Variants in KIAA1614 observed in about 807,000 individuals in gnomAD.
KIAA1614 encodes the protein uncharacterized protein KIAA1614.
In KIAA1614, 76 loss-of-function variants were observed where a neutral mutation model predicts 88.7. The ratio of observed to expected loss-of-function variants is 0.86; its 90% CI spans 0.71 to 1.04. The LOEUF is 1.04. KIAA1614 is among the 50% of genes least tolerant of loss of function. KIAA1614 has a pLI of 0.00. For missense variants in KIAA1614, 1,553 were observed against 1,582.5 expected, an observed-to-expected ratio of 0.98 and a Z score of 0.32; for synonymous variants, 714 against 675.5, an observed-to-expected ratio of 1.06 and a Z score of -0.88.
At chr1:180,915,259 G>C (rs1653752448) in intron 1 of KIAA1614, among the ~76,000 whole-genome samples, 1 of 152,222 alleles carries the variant, frequency 6.6e-6, no homozygotes, top group African/African-American at 2.4e-5. Context: ...TGTGGCTTGT[G>C]CATCAGGGGT....
At chr1:180,943,192 A>G (rs1253490353) in intron 7 of KIAA1614, among the ~76,000 whole-genome samples, 1 of 152,012 alleles carries the variant, frequency 6.6e-6, no homozygotes, top group Non-Finnish European at 1.5e-5. Flanking sequence ...ACAGCCGGCT[A>G]ATTTTTATAT....
In KIAA1614 at chr1:180,947,579, A is replaced by G. The variant is rs1160373287; in HGVS notation, c.*1991A>G. ...GCCTACTCTGGACCTCAGGAGGATA[A>G]AAAGTCCTTCCTCACAGGCCTTCCC... On this transcript the variant is annotated 3_prime_UTR_variant, in exon 9 of 9. Coordinates refer to ENST00000367588, the MANE Select transcript of KIAA1614 (RefSeq NM_020950.2). 1.3e-5 allele frequency: 2 copies of G among 152,230 alleles called. No individual in the cohort carries two copies. Among genetic ancestry groups the G allele is most frequent in the African/African-American group, 4.8e-5 (2 of 41,446 alleles). 9.4% of individuals were successfully genotyped at this position (152,230 alleles called of 1,614,324 possible).
intron 2 of KIAA1614, among the ~76,000 whole-genome samples, chr1:180,917,373 A>G (rs1362560882): frequency 6.6e-6 from 1 of 152,090 alleles, no homozygotes; most frequent in East Asian, 1.9e-4. Flanking sequence ...GGCCACTATG[A>G]TGTCTTCTTT....
Position 180,940,886 on chromosome 1 carries a change from CCTTT to C in KIAA1614, c.2919-152_2919-149del, listed in dbSNP as rs541205561. ...GCCACCACACCCGGCTTCCACTTGG[CCTTT>C]CTTTCTACAGCCTGGTTGTTAGTTC... On this transcript the variant is annotated intron_variant, in intron 6 of 8. Transcript: ENST00000367588. 6.2e-4 allele frequency among the ~76,000 whole-genome samples: 95 copies of C among 152,092 alleles called. 1 individual carries two copies. Among genetic ancestry groups the C allele is most frequent in the South Asian group, 2.5e-3 (12 of 4,818 alleles).
At position 180,945,624 on chromosome 1, in the gene KIAA1614, T is replaced by C. The variant is rs1315649393; in HGVS notation, c.*36T>C. 6.4e-7 allele frequency: 1 copy of C among 1,561,932 alleles called. No individual in the cohort carries two copies. The highest frequency in any genetic ancestry group is 8.6e-7 in the Non-Finnish European group (1 of 1,160,960). ...TCTGGGAATTCAGAAAGCCTCTGACTACAGGACTAGGCTTCTCCCCTCAGG... is the reference window on the plus strand; with the variant it reads ...TCTGGGAATTCAGAAAGCCTCTGACCACAGGACTAGGCTTCTCCCCTCAGG... On this transcript the variant is annotated 3_prime_UTR_variant, in exon 9 of 9. Transcript: ENST00000367588.
intron 6 of KIAA1614, among the ~76,000 whole-genome samples, 196 bp from the exon 7 acceptor site, chr1:180,940,849 C>T (rs1254320779): frequency 6.6e-6 from 1 of 151,984 alleles, no homozygotes; most frequent in Non-Finnish European, 1.5e-5. Flanking sequence ...GTAGCTGGGA[C>T]CACAGACAGG....
intron 4 of KIAA1614, among the ~76,000 whole-genome samples, chr1:180,930,832 T>C (rs550277571): frequency 2.0e-5 from 3 of 152,374 alleles, no homozygotes; most frequent in Admixed American, 6.5e-5. Flanking sequence ...CAACGCCAGA[T>C]GGCTTGCTGC....
At chr1:180,936,795 C>T in intron 5 of KIAA1614, 125 bp downstream of exon 5, 1 of 639,812 alleles carries the variant, frequency 1.6e-6, no homozygotes, top group African/African-American at 1.8e-5. Flanking sequence ...AGTCAGATGG[C>T]AGCGTCACAT....
chr1:180,938,758 G>A (rs1453860630), intron 6 of KIAA1614, 47 bp downstream of exon 6: 2 of 1,593,154 alleles, frequency 1.3e-6, no homozygotes, highest in Non-Finnish European at 1.7e-6. Flanking sequence ...GGTGGGAATG[G>A]GGGCTCTGGG....
chr1:180,922,463 G>A (rs1653976890), intron 3 of KIAA1614, among the ~76,000 whole-genome samples: 1 of 152,110 alleles, frequency 6.6e-6, no homozygotes, highest in Non-Finnish European at 1.5e-5. Flanking sequence ...CGATCTTCAG[G>A]CCCCTGCTGG....
intron 5 of KIAA1614, among the ~76,000 whole-genome samples, chr1:180,937,982 A>G (rs1413989729): frequency 6.6e-6 from 1 of 152,160 alleles, no homozygotes; most frequent in Non-Finnish European, 1.5e-5. Flanking sequence ...TCAGTCCCTT[A>G]GCCTGCCAGC....
intron 1 of KIAA1614, 78 bp from the exon 2 acceptor site, chr1:180,916,076 G>A (rs1653786812): frequency 3.7e-6 from 4 of 1,094,026 alleles, no homozygotes; most frequent in Non-Finnish European, 5.2e-6. Context: ...TCAACGCCAA[G>A]ACACTTTGGG....
In KIAA1614 at chr1:180,935,870, C is replaced by T. The variant is rs1047849189; in HGVS notation, c.1961C>T (p.Pro654Leu). The change falls in exon 5 of 9, where the codon CCT becomes CTT. Residue 654 changes from proline (P) to leucine (L), a missense_variant. Physicochemically the swap from Pro to Leu is moderately conservative, Grantham distance 98 (BLOSUM62 -3). Transcript: ENST00000367588. The surrounding 1 kb of genome is among the most constrained non-coding windows in gnomAD (Gnocchi z 6.1). ...SPRLRLRGSR[P>L]RGHRWSKKAE... ...CGACTGCGACTGCGGGGCTCCAGGC[C>T]TCGAGGCCACAGGTGGTCCAAGAAG... is the stretch of plus-strand genomic sequence containing the variant. 1.1e-5 allele frequency: 17 copies of T among 1,613,822 alleles called. No individual in the cohort carries two copies. Among genetic ancestry groups the T allele is most frequent in the Middle Eastern group, 1.7e-4 (1 of 6,054 alleles).
intron 2 of KIAA1614, among the ~76,000 whole-genome samples, chr1:180,917,519 T>C (rs1180510118): frequency 6.6e-6 from 1 of 152,114 alleles, no homozygotes; most frequent in Non-Finnish European, 1.5e-5. Flanking sequence ...TTCTAGCAGC[T>C]GGGCTGAGCT....
At position 180,916,837 on chromosome 1, in the gene KIAA1614, C is replaced by T; in HGVS notation, c.734C>T (p.Pro245Leu). 1 of 1,614,222 alleles carries T rather than the reference C, an allele frequency of 6.2e-7. No individual in the cohort carries two copies. The highest frequency in any genetic ancestry group is 8.5e-7 in the Non-Finnish European group (1 of 1,180,044). Residue 245 changes from proline (P) to leucine (L), a missense_variant, in exon 2 of 9, where the codon CCA becomes CTA. Transcript: ENST00000367588. ...AGGACAGGAAGGTCCTACCCTTTTC[C>T]AGATGGCGTGGTGACAGAGGCAGAT... ...SPRTGRSYPF[P>L]DGVVTEADLD...
intron 5 of KIAA1614, 86 bp downstream of exon 5, chr1:180,936,756 C>A: frequency 1.2e-6 from 1 of 845,758 alleles, no homozygotes; most frequent in African/African-American, 1.7e-5. Context: ...GACACACAGG[C>A]CTTCAGAGTC....
At chr1:180,937,453 A>G (rs908400538) in intron 5 of KIAA1614, among the ~76,000 whole-genome samples, 1 of 152,184 alleles carries the variant, frequency 6.6e-6, no homozygotes, top group Non-Finnish European at 1.5e-5. Flanking sequence ...AGGGGTCCTT[A>G]TATTGTGGGA....
chr1:180,913,171 G>A lies in KIAA1614; in HGVS notation c.-73G>A, dbSNP rs1653696591. 1.7e-6 allele frequency: 2 copies of A among 1,158,202 alleles called. No individual in the cohort carries two copies. Among genetic ancestry groups the A allele is most frequent in the Admixed American group, 8.6e-5 (2 of 23,352 alleles). 71.7% of individuals were successfully genotyped at this position (1,158,202 alleles called of 1,614,324 possible). A position where few individuals can be genotyped will look rare whatever the true frequency, so the allele number is the denominator to read the frequency against. On this transcript the variant is annotated 5_prime_UTR_variant, in exon 1 of 9. Coordinates refer to ENST00000367588, the MANE Select transcript of KIAA1614 (RefSeq NM_020950.2). ...CCCTCCGGCCCCGGATTCGGGGCTGGAAGTCCCTCCCCGAACCCAGCAGCT... is the reference window on the plus strand; with the variant it reads ...CCCTCCGGCCCCGGATTCGGGGCTGAAAGTCCCTCCCCGAACCCAGCAGCT...
intron 5 of KIAA1614, among the ~76,000 whole-genome samples, chr1:180,936,975 TTCCAAGC>T (rs899260023): frequency 3.3e-5 from 5 of 152,090 alleles, no homozygotes; most frequent in African/African-American, 1.2e-4. Flanking sequence ...AACCCTGAGG[TTCCAAGC>T]TCCAAGCTCC....
Sources: allele counts gnomAD v4.1 joint callset (sites outside exome capture counted in the v4.1 genomes callset), GRCh38; gene constraint gnomAD v4.1.1; non-coding constraint Gnocchi (gnomAD v3.1); transcripts MANE v1.5; gene names NCBI Gene and HGNC (gene_info 2026-07-23, HGNC 2026-07-21).